The following SMG5 variants were observed in gnomAD, a reference collection of about 807,000 sequenced individuals.
SMG5 encodes SMG5 nonsense mediated mRNA decay factor, also known as nonsense-mediated mRNA decay factor SMG5.
SMG5 carries 53 observed loss-of-function variants against 122.9 expected under a neutral mutation model. The observed-to-expected ratio is 0.43, with a 90% CI of 0.35 to 0.54. SMG5 has a LOEUF of 0.54. Ranked by LOEUF, SMG5 falls within the 20% of genes least tolerant of loss-of-function variation. The probability of loss-of-function intolerance (pLI) is 0.01; values close to 1 mark genes in which losing one functional copy is unlikely to be tolerated. For synonymous variants in SMG5, 477 were observed against 490.2 expected (o/e 0.97, Z 0.35); for missense variants, 1,153 against 1,285.6 (o/e 0.90, Z 1.58).
chr1:156,263,310 G>C (rs1661944249), intron 13 of SMG5, 85 bp downstream of exon 13: 2 of 1,448,460 alleles, frequency 1.4e-6, no homozygotes, highest in African/African-American at 1.4e-5. Context: ...TTGGCCATCA[G>C]GGGGGATCCT....
At position 156,250,033 on chromosome 1, in the gene SMG5, C is replaced by T. The variant is rs1312807024; in HGVS notation, c.*554G>A. ...ACTCCAGGCCTTGCTTCTCTAACAG[C>T]CCCTGTGGCTGGCTCCAGAGCTGCC... On this transcript the variant is annotated 3_prime_UTR_variant, in exon 22 of 22. Coordinates refer to ENST00000361813, the MANE Select transcript of SMG5 (RefSeq NM_015327.3). 11 of 432,308 alleles carry T rather than the reference C, an allele frequency of 2.5e-5. No homozygotes were observed. Among genetic ancestry groups the T allele is most frequent in the Non-Finnish European group, 5.4e-5 (11 of 205,596 alleles). 26.8% of individuals were successfully genotyped at this position (432,308 alleles called of 1,614,324 possible). A position where few individuals can be genotyped will look rare whatever the true frequency, so the allele number is the denominator to read the frequency against.
the SMG5 span, chr1:156,291,475 G>A: frequency 4.3e-6 from 7 of 1,613,646 alleles, no homozygotes; most frequent in Admixed American, 1.7e-5. Context: ...CGATGCTGAT[G>A]TGGAACCTCT....
chr1:156,270,457 A>T (rs1662358497), intron 7 of SMG5, among the ~76,000 whole-genome samples: 1 of 152,254 alleles, frequency 6.6e-6, no homozygotes. Flanking sequence ...CGATCAGCTG[A>T]ATACCAATGA....
chr1:156,265,975 C>A lies in SMG5; in HGVS notation c.1661G>T (p.Gly554Val), dbSNP rs140941064. Residue 554 changes from glycine (G) to valine (V), a missense_variant, in exon 12 of 22, where the codon GGC becomes GTC. This residue lies in a region of SMG5 where 631 missense variants were observed against 650.6 expected (regional missense o/e 0.97). Transcript: ENST00000361813. ...GRSEAPDSLN[G>V]PLGPSEASIA... ...GCTAGCCTCACTGGGGCCCAGTGGG[C>A]CATTGAGGGAATCGGGAGCCTCTGA... is the stretch of plus-strand genomic sequence containing the variant. 97 of 1,614,048 alleles carry A rather than the reference C, an allele frequency of 6.0e-5. No homozygotes were observed. The highest frequency in any genetic ancestry group is 8.1e-5 in the Non-Finnish European group (95 of 1,180,032).
At chr1:156,290,824 G>C in the SMG5 span, 22 of 128,472 alleles carry the variant, frequency 1.7e-4, no homozygotes, top group African/African-American at 6.4e-4. Flanking sequence ...GAGAGACTCT[G>C]TCTCAAAAAT....
upstream of SMG5, among the ~76,000 whole-genome samples, chr1:156,287,516 A>G (rs957467992): frequency 2.0e-4 from 30 of 151,842 alleles, no homozygotes; most frequent in Admixed American, 2.0e-4. Context: ...CTGTTTGTCA[A>G]TGAGGGGATG....
intron 21 of SMG5, 54 bp downstream of exon 21, chr1:156,250,803 GC>G: frequency 6.2e-7 from 1 of 1,609,370 alleles, no homozygotes; most frequent in Admixed American, 1.7e-5. Flanking sequence ...GATGGAGTCT[GC>G]TCTGGTACCT....
At chr1:156,258,035 G>A (rs764903109) in intron 16 of SMG5, among the ~76,000 whole-genome samples, 12 of 152,216 alleles carry the variant, frequency 7.9e-5, no homozygotes, top group Non-Finnish European at 1.3e-4. Context: ...TAACCCCAGT[G>A]CCTAGAATAC....
At chr1:156,277,889 T>G in intron 3 of SMG5, 36 bp downstream of exon 3, 1 of 1,611,258 alleles carries the variant, frequency 6.2e-7, no homozygotes. Context: ...TCTTCCTTCC[T>G]TGGCTTTCCC....
In SMG5 at chr1:156,250,404, A is replaced by G; in HGVS notation, c.*183T>C. 1.6e-6 allele frequency: 1 copy of G among 635,196 alleles called. No homozygotes were observed. Among genetic ancestry groups the G allele is most frequent in the Non-Finnish European group, 2.8e-6 (1 of 355,074 alleles). The allele number at this position is 635,196 out of a possible 1,614,324, so 39.3% of individuals were successfully genotyped here. ...TCGCTTTCCTAACGTCTTGGCAACA[A>G]AGGGACCCCACCCTCCCAGCCGGCT... On this transcript the variant is annotated 3_prime_UTR_variant, in exon 22 of 22. Coordinates refer to ENST00000361813, the MANE Select transcript of SMG5 (RefSeq NM_015327.3).
Position 156,251,461 on chromosome 1 carries a change from T to C in SMG5, c.2770A>G (p.Lys924Glu). The change falls in exon 20 of 22, where the codon AAA (lysine) becomes GAA (glutamate). Residue 924 changes from lysine (K) to glutamate (E), a missense_variant. Transcript: ENST00000361813. ...CGCTCAAAGCTCTTTCCCACCTCTT[T>C]CTGGCAGCGAATGTACCTGCAGAGG... is the stretch of plus-strand genomic sequence containing the variant. ...KKGNRYIRCQ[K>E]EVGKSFERHK... The C allele has an allele frequency of 1.2e-6, 2 of 1,614,086 alleles. No individual in the cohort carries two copies. Among genetic ancestry groups the C allele is most frequent in the Non-Finnish European group, 1.7e-6 (2 of 1,180,024 alleles).
At position 156,268,308 on chromosome 1, in the gene SMG5, A is replaced by G. The variant is rs1271883907; in HGVS notation, c.821T>C (p.Leu274Pro). 3.1e-6 allele frequency: 5 copies of G among 1,614,046 alleles called. No homozygotes were observed. The highest frequency in any genetic ancestry group is 2.2e-5 in the East Asian group (1 of 44,900). ...CACTCACCGCTTTTTGCCAGGAGAC[A>G]GTTTCCGAGTCTCACACTTCTTCAG... ...HQLKKCETRK[L>P]SPGKKRCKDI... Residue 274 changes from leucine (L) to proline (P), a missense_variant, in exon 8 of 22, where the codon CTG becomes CCG. Around this residue, in one of 5 missense-constraint regions of SMG5, gnomAD observed 631 missense variants for 650.6 expected, o/e 0.97. Transcript: ENST00000361813.
rs1450745056 is a variant in SMG5, at chr1:156,267,536, G to C, written c.1051C>G (p.Pro351Ala). The change falls in exon 10 of 22, where the codon CCG becomes GCG. Residue 351 changes from proline to alanine, a missense_variant. Coordinates refer to ENST00000361813, the MANE Select transcript of SMG5 (RefSeq NM_015327.3). ...EEYESGYAFL[P>A]DLLIFQMVII... ...ACCATTTGAAAGATGAGAAGGTCCGGGAGGAAAGCATATCCACTCTCATAC... is the reference window on the plus strand; with the variant it reads ...ACCATTTGAAAGATGAGAAGGTCCGCGAGGAAAGCATATCCACTCTCATAC... 3.1e-6 allele frequency: 5 copies of C among 1,614,134 alleles called. No individual in the cohort carries two copies. The highest frequency in any genetic ancestry group is 4.2e-6 in the Non-Finnish European group (5 of 1,180,018).
chr1:156,279,467 C>T (rs1028478544), intron 1 of SMG5, among the ~76,000 whole-genome samples: 1 of 152,134 alleles, frequency 6.6e-6, no homozygotes, highest in African/African-American at 2.4e-5. Context: ...TGATGCCAGG[C>T]AGAAAATCTA....
upstream of SMG5, chr1:156,285,918 C>A (rs755897802): frequency 6.4e-7 from 1 of 1,570,292 alleles, no homozygotes; most frequent in Non-Finnish European, 8.6e-7. Context: ...CGGCTGCCCA[C>A]CATGAGTTCC....
intron 4 of SMG5, among the ~76,000 whole-genome samples, chr1:156,275,030 T>C (rs1339095565): frequency 1.3e-5 from 2 of 150,052 alleles, no homozygotes; most frequent in Non-Finnish European, 3.0e-5. Context: ...ATGAATAGGG[T>C]CATGAATGTC....
Position 156,261,283 on chromosome 1 carries a change from G to C in SMG5, c.2107+50C>G, listed in dbSNP as rs1444092614. ...ATGGGGAGGGGAGATGGGCTTAGTGGGGACAATGAGAGAGCAAAGAAAGGA... is the reference window on the plus strand; with the variant it reads ...ATGGGGAGGGGAGATGGGCTTAGTGCGGACAATGAGAGAGCAAAGAAAGGA... On this transcript the variant is annotated intron_variant, in intron 14 of 21. Coordinates refer to ENST00000361813, the MANE Select transcript of SMG5 (RefSeq NM_015327.3). 3 of 1,567,318 alleles carry C rather than the reference G, an allele frequency of 1.9e-6. No individual in the cohort carries two copies. The South Asian group carries it at 3.3e-5, about 17-fold the overall frequency.
chr1:156,252,031 A>G (rs1361609619), intron 19 of SMG5, among the ~76,000 whole-genome samples: 1 of 152,088 alleles, frequency 6.6e-6, no homozygotes. Context: ...TGAGGCCCTC[A>G]CACTCTGAGA....
chr1:156,274,809 A>G, intron 4 of SMG5, 123 bp from the exon 5 acceptor site: 1 of 743,832 alleles, frequency 1.3e-6, no homozygotes, highest in Non-Finnish European at 2.3e-6. Flanking sequence ...ATTGTCTTTC[A>G]GGGCAGAGAC....
Sources: gnomAD v4.1 joint callset for allele counts (sites outside exome capture counted in the v4.1 genomes callset) on GRCh38, gnomAD v4.1.1 for gene constraint, gnomAD v4.1.1 regional missense constraint, MANE v1.5 for transcripts, NCBI Gene and HGNC (gene_info 2026-07-23, HGNC 2026-07-21) for gene names.